The following NCOR2 variants were observed in gnomAD, a reference collection of about 807,000 sequenced individuals.
NCOR2 encodes the protein CTG repeat protein 26.
Under a neutral mutation model 262.9 loss-of-function variants are expected in NCOR2, and 81 were observed. The ratio of observed to expected loss-of-function variants is 0.31; its 90% CI spans 0.26 to 0.37. The LOEUF (loss-of-function observed/expected upper bound fraction) is 0.37. Among genes scored for constraint, NCOR2 ranks in the 10% least tolerant of loss-of-function variants. The pLI, the probability that NCOR2 is intolerant of heterozygous loss-of-function variation, is 1.00. For missense variants in NCOR2, 3,385 were observed against 3,621.4 expected, an observed-to-expected ratio of 0.93 and a Z score of 1.68; for synonymous variants, 1,659 against 1,559.3, an observed-to-expected ratio of 1.06 and a Z score of -1.51.
Position 124,457,194 on chromosome 12 carries a change from T to A in NCOR2, c.706-32A>T. On this transcript the variant is annotated intron_variant, in intron 5 of 46. Transcript: ENST00000405201. This position sits in a 1 kb window ranked among gnomAD's most constrained non-coding sequence, Gnocchi z 4.0. ...GGTGATGGCGAAGAGGAGGAATTTT[T>A]TTAAAAAACAAAAAAACACAGATTA... 6.5e-7 allele frequency: 1 copy of A among 1,536,650 alleles called. No homozygotes were observed. The highest frequency in any genetic ancestry group is 2.4e-5 in the Admixed American group (1 of 41,514).
At chr12:124,411,114 TAA>T (rs2042559602) in intron 13 of NCOR2, among the ~76,000 whole-genome samples, 1 of 138,866 alleles carries the variant, frequency 7.2e-6, no homozygotes, top group African/African-American at 2.7e-5. Flanking sequence ...GAGACAGAGT[TAA>T]AAGACTTAGA....
intron 6 of NCOR2, 121 bp downstream of exon 8, chr12:124,456,985 C>G (rs2045908315): frequency 1.0e-6 from 1 of 970,290 alleles, no homozygotes; most frequent in Non-Finnish European, 1.4e-6. Flanking sequence ...TCCGCGGACG[C>G]CGCCTGGGCA....
At position 124,354,524 on chromosome 12, in the gene NCOR2, C is replaced by T. The variant is rs367646193; in HGVS notation, c.3543G>A (p.Pro1181=). The change falls in exon 26 of 47, where the codon CCG becomes CCA. Residue 1181 remains proline, a synonymous_variant. Coordinates refer to ENST00000405201, the Ensembl canonical transcript of NCOR2. ...GGGCTGTGGGCACCCCCAGGCTCTCCGGTGGCCCAGCCTGGCCCCGTGGGG... is the reference window on the plus strand; with the variant it reads ...GGGCTGTGGGCACCCCCAGGCTCTCTGGTGGCCCAGCCTGGCCCCGTGGGG... 9.5e-5 allele frequency: 151 copies of T among 1,595,034 alleles called. 1 individual carries two copies. The Middle Eastern group carries it at 1.5e-3, about 16-fold the overall frequency.
chr12:124,340,395 C>G (rs569116167), exon 36 of NCOR2: 1 of 1,613,116 alleles, frequency 6.2e-7, no homozygotes, highest in East Asian at 2.2e-5. Context: ...GTCTCGCTCC[C>G]GCTCGGACGA....
At position 124,507,129 on chromosome 12, in the gene NCOR2, A is replaced by C. The variant is rs369898131; in HGVS notation, c.-117-11761T>G. Among the ~76,000 whole-genome samples, 6 of 152,346 alleles carry C rather than the reference A, an allele frequency of 3.9e-5. No homozygotes were observed. In the East Asian group the frequency reaches 1.2e-3, roughly 29 times the overall value. ...ACAAACACTGTGCGATTCCACTCGT[A>C]GGAGGTGGCCAGAGTCACTGAATTC... is the stretch of plus-strand genomic sequence containing the variant. On this transcript the variant is annotated intron_variant, in intron 1 of 46. Transcript: ENST00000404621.
rs567658701 is a variant in NCOR2 at position 124,484,335 on chromosome 12, A to T, written c.234-562T>A. ...AACTCAGCCTAGCAGCCTGGTGCAG[A>T]GACTGGAGCTGCCCAGTTTCCCCAG... is the stretch of plus-strand genomic sequence containing the variant. On this transcript the variant is annotated intron_variant, in intron 2 of 46. Transcript: ENST00000405201. 3.3e-5 allele frequency among the ~76,000 whole-genome samples: 5 copies of T among 152,292 alleles called. No homozygotes were observed. In the East Asian group the frequency reaches 9.6e-4, roughly 29 times the overall value.
chr12:124,536,434 G>A (rs904199314), upstream of NCOR2, among the ~76,000 whole-genome samples: 5 of 152,206 alleles, frequency 3.3e-5, no homozygotes, highest in African/African-American at 7.2e-5. Flanking sequence ...ATGATAGCTA[G>A]TACCCAGAAT....
intron 1 of NCOR2, among the ~76,000 whole-genome samples, chr12:124,565,974 C>T (rs1348279079): frequency 6.6e-6 from 1 of 152,124 alleles, no homozygotes; most frequent in Admixed American, 6.5e-5. Context: ...CCTCCCGGCG[C>T]AGTCTGGCCC....
At chr12:124,358,242 A>G (rs1489871564) in intron 22 of NCOR2, among the ~76,000 whole-genome samples, 132 of 91,628 alleles carry the variant, frequency 1.4e-3, no homozygotes, top group Middle Eastern at 9.4e-3. Context: ...GGATGTGTGT[A>G]TGTGCCTGTA....
At chr12:124,397,151 A>T (rs2080269020) in intron 16 of NCOR2, among the ~76,000 whole-genome samples, 1 of 152,126 alleles carries the variant, frequency 6.6e-6, no homozygotes, top group African/African-American at 2.4e-5. Context: ...ACCGAGAGTG[A>T]GCGTGCCGTG....
chr12:124,354,443 C>A, intron 26 of NCOR2, 35 bp downstream of exon 28: 1 of 1,455,184 alleles, frequency 6.9e-7, no homozygotes, highest in Admixed American at 2.6e-5. Flanking sequence ...GGAACAGGGG[C>A]AGATGCTGGG....
Position 124,407,008 on chromosome 12 carries a change from CAGAG to C in NCOR2, c.1483-4451_1483-4448del, listed in dbSNP as rs769634544. ...AGTTTTATGGATGAGAATGCAAAGA[CAGAG>C]GGAGTTTAAGTAACTCATCCAAGGT... On this transcript the variant is annotated intron_variant, in intron 13 of 46. Transcript: ENST00000405201. 1.1e-3 allele frequency among the ~76,000 whole-genome samples: 164 copies of C among 152,332 alleles called. 1 individual carries two copies. Among genetic ancestry groups the C allele is most frequent in the African/African-American group, 8.9e-4 (37 of 41,572 alleles).
At chr12:124,563,916 G>A (rs752986251) in intron 1 of NCOR2, among the ~76,000 whole-genome samples, 10 of 152,228 alleles carry the variant, frequency 6.6e-5, no homozygotes, top group Non-Finnish European at 1.0e-4. Context: ...TAACACGACC[G>A]TGAATAATCC....
intron 1 of NCOR2, among the ~76,000 whole-genome samples, chr12:124,557,129 C>T (rs1251886052): frequency 6.6e-6 from 1 of 152,192 alleles, no homozygotes; most frequent in Non-Finnish European, 1.5e-5. Flanking sequence ...CCTGGGTTTT[C>T]CTGCCCTGGG....
At chr12:124,339,219 A>ACCC (rs1555300759) in intron 37 of NCOR2, among the ~76,000 whole-genome samples, 3 of 63,316 alleles carry the variant, frequency 4.7e-5, no homozygotes, top group African/African-American at 1.4e-4. Flanking sequence ...TCTACCTACC[A>ACCC]CCCACCCACC....
chr12:124,394,671 C>T (rs533414112), intron 16 of NCOR2, among the ~76,000 whole-genome samples: 1 of 152,336 alleles, frequency 6.6e-6, no homozygotes, highest in Admixed American at 6.5e-5. Flanking sequence ...AGGCTGCAGG[C>T]AGGCGCCAGG....
intron 33 of NCOR2, among the ~76,000 whole-genome samples, chr12:124,342,558 C>G (rs924448302): frequency 6.6e-6 from 1 of 151,998 alleles, no homozygotes; most frequent in Non-Finnish European, 1.5e-5. Flanking sequence ...TTAGTAGGGA[C>G]GGGGTTTCAC....
chr12:124,360,036 C>T (rs927744776), intron 22 of NCOR2, among the ~76,000 whole-genome samples: 6 of 152,218 alleles, frequency 3.9e-5, no homozygotes, highest in East Asian at 3.8e-4. Flanking sequence ...GTGCCAGCCG[C>T]GGGAACTGCT....
At chr12:124,466,075 C>A in intron 5 of NCOR2, 98 bp downstream of exon 7, 1 of 1,202,798 alleles carries the variant, frequency 8.3e-7, no homozygotes, top group South Asian at 1.4e-5. Context: ...GTCCCCTCCC[C>A]ACATAGATGG....
Sources: allele counts gnomAD v4.1 joint callset (sites outside exome capture counted in the v4.1 genomes callset), GRCh38; gene constraint gnomAD v4.1.1; non-coding constraint Gnocchi (gnomAD v3.1); transcripts MANE v1.5; gene names NCBI Gene and HGNC (gene_info 2026-07-23, HGNC 2026-07-21).